CIROP: variants seen among roughly 807,000 people sequenced by gnomAD.
CIROP encodes ciliated left-right organizer metallopeptidase.
the CIROP span, chr14:23,104,404 C>G: frequency 1.4e-6 from 1 of 703,014 alleles, no homozygotes; most frequent in South Asian, 1.5e-5. Context: ...TTTGGGCTAT[C>G]TGGGTCTCCC....
chr14:23,104,599 C>T, the CIROP span: 6 of 700,568 alleles, frequency 8.6e-6, no homozygotes, highest in Admixed American at 4.0e-5. Flanking sequence ...CCTCACTCAC[C>T]TGCTAGAACA....
At chr14:23,103,853 G>A in the CIROP span, 1 of 693,710 alleles carries the variant, frequency 1.4e-6, no homozygotes, top group Non-Finnish European at 2.6e-6. Context: ...TAGCAGAGGG[G>A]CTGGAACAGT....
the CIROP span, chr14:23,104,524 C>T: frequency 1.4e-6 from 1 of 702,774 alleles, no homozygotes; most frequent in Non-Finnish European, 2.6e-6. Flanking sequence ...TTCCAGTTCT[C>T]TTTCTGGGCT....
the CIROP span, chr14:23,102,652 C>T: frequency 9.8e-5 from 69 of 703,004 alleles, no homozygotes; most frequent in Admixed American, 1.8e-4. Context: ...GGGGCAGTCT[C>T]GCCATTTCTT....
the CIROP span, chr14:23,101,396 G>A: frequency 8.6e-6 from 5 of 583,744 alleles, no homozygotes; most frequent in African/African-American, 5.6e-5. Context: ...CGGCCCATGA[G>A]CTCTGCTTCC....
At chr14:23,102,051 G>A in the CIROP span, 1 of 701,560 alleles carries the variant, frequency 1.4e-6, no homozygotes, top group Non-Finnish European at 2.6e-6. Context: ...GAGCTGACTT[G>A]GGTCATGAGT....
the CIROP span, chr14:23,099,714 A>G: frequency 6.1e-6 from 2 of 327,040 alleles, no homozygotes; most frequent in Non-Finnish European, 1.2e-5. Context: ...CGCACGCCGC[A>G]CCACCACGTC....
At chr14:23,103,919 T>A in the CIROP span, 1 of 611,670 alleles carries the variant, frequency 1.6e-6, no homozygotes, top group South Asian at 1.9e-5. Flanking sequence ...TGTCTTTGTG[T>A]TATCTAGGCA....
the CIROP span, chr14:23,102,017 C>T: frequency 2.9e-6 from 2 of 700,748 alleles, no homozygotes; most frequent in Non-Finnish European, 5.2e-6. Flanking sequence ...CAACAGACAC[C>T]CCTCCAGCCT....
At chr14:23,101,884 G>C in the CIROP span, 8 of 702,394 alleles carry the variant, frequency 1.1e-5, no homozygotes, top group South Asian at 3.0e-5. Context: ...CCCACATGTG[G>C]TCACCAAGCC....
the CIROP span, chr14:23,099,550 G>A: frequency 7.6e-6 from 3 of 396,254 alleles, no homozygotes; most frequent in South Asian, 2.9e-4. Context: ...AGATAAAGCG[G>A]CATTACCTTT....
At chr14:23,101,916 T>C in the CIROP span, 3 of 702,050 alleles carry the variant, frequency 4.3e-6, no homozygotes, top group Non-Finnish European at 7.8e-6. Flanking sequence ...CAGATCCTGC[T>C]TGACAGATGA....
chr14:23,100,825 A>C, the CIROP span: 1 of 399,058 alleles, frequency 2.5e-6, no homozygotes, highest in East Asian at 3.6e-5. Context: ...TCCTTGGCCC[A>C]TTGTATAAAT....
the CIROP span, chr14:23,104,907 A>G: frequency 8.7e-3 from 795 of 91,042 alleles, 5 homozygotes; most frequent in East Asian, 0.032. Flanking sequence ...CAGCAGCAGC[A>G]GCAGCAGCAG....
At chr14:23,101,963 A>G in the CIROP span, 20 of 701,110 alleles carry the variant, frequency 2.9e-5, no homozygotes, top group Non-Finnish European at 5.2e-5. Context: ...AAGCCCAAAC[A>G]TCCTTCAGCA....
At chr14:23,099,609 G>A in the CIROP span, 3 of 390,332 alleles carry the variant, frequency 7.7e-6, no homozygotes, top group African/African-American at 6.4e-5. Context: ...GCCCAGGCTG[G>A]AGTGCAGTGG....
chr14:23,104,450 C>T, the CIROP span: 2,414 of 703,002 alleles, frequency 3.4e-3, 57 homozygotes, highest in East Asian at 0.045. Context: ...GGTCTCGACT[C>T]AGAAGCAGGG....
chr14:23,101,770 G>A, the CIROP span: 1 of 702,924 alleles, frequency 1.4e-6, no homozygotes, highest in African/African-American at 1.7e-5. Flanking sequence ...AGCCCACTGT[G>A]TGGAATGGAT....
At chr14:23,099,145 A>G in the CIROP span, 1 of 411,226 alleles carries the variant, frequency 2.4e-6, no homozygotes, top group Non-Finnish European at 4.4e-6. Flanking sequence ...TTTCATTGCC[A>G]GGCTATATAA....
Sources: gnomAD v4.1 joint callset for allele counts on GRCh38, gnomAD v4.1.1 for gene constraint, MANE v1.5 for transcripts, NCBI Gene and HGNC (gene_info 2026-07-23, HGNC 2026-07-21) for gene names.